TMEM232: variants seen among roughly 807,000 people sequenced by gnomAD.
TMEM232 encodes transmembrane protein 232.
Under a neutral mutation model 78.8 loss-of-function variants are expected in TMEM232, and 80 were observed. That is an observed-to-expected ratio of 1.01 (90% confidence interval 0.85 to 1.22). The LOEUF (loss-of-function observed/expected upper bound fraction) is 1.22. Among genes scored for constraint, TMEM232 ranks in the 50% most tolerant of loss-of-function variants. TMEM232 has a pLI of 0.00. For synonymous variants in TMEM232, 297 were observed against 254.3 expected (o/e 1.17, Z -1.60); for missense variants, 881 against 742.2 (o/e 1.19, Z -2.17).
intron 1 of TMEM232, among the ~76,000 whole-genome samples, chr5:110,703,947 A>G (rs1795677357): frequency 6.6e-6 from 1 of 152,066 alleles, no homozygotes. Context: ...ACTCCTTTTG[A>G]AAAACATCAA....
chr5:110,554,481 T>C (rs1774840329), intron 11 of TMEM232, among the ~76,000 whole-genome samples: 1 of 152,158 alleles, frequency 6.6e-6, no homozygotes, highest in Non-Finnish European at 1.5e-5. Flanking sequence ...TTCCATTAGG[T>C]CTTTCCCTCT....
intron 10 of TMEM232, among the ~76,000 whole-genome samples, chr5:110,594,784 G>A (rs1016176317): frequency 6.6e-6 from 1 of 152,232 alleles, no homozygotes; most frequent in African/African-American, 2.4e-5. Context: ...AGCAGCCCCA[G>A]TCAGGGGCTT....
At chr5:110,541,954 C>A (rs1773173845) in intron 11 of TMEM232, among the ~76,000 whole-genome samples, 1 of 152,148 alleles carries the variant, frequency 6.6e-6, no homozygotes, top group South Asian at 2.1e-4. Flanking sequence ...AAAGAGATCA[C>A]CTGCTCAACA....
intron 12 of TMEM232, among the ~76,000 whole-genome samples, chr5:110,425,472 A>C (rs185473834): frequency 2.1e-4 from 32 of 152,196 alleles, no homozygotes; most frequent in African/African-American, 7.2e-4. Context: ...GAGGGTGGGA[A>C]AGTGGGGGTA....
At chr5:110,666,673 C>T (rs746678588) in intron 2 of TMEM232, 1 of 151,932 alleles carries the variant, frequency 6.6e-6, no homozygotes, top group Non-Finnish European at 1.5e-5. Flanking sequence ...TTATTTTCTT[C>T]TCTGTAGGAT....
intron 12 of TMEM232, among the ~76,000 whole-genome samples, chr5:110,466,299 AC>A (rs1762069080): frequency 6.6e-6 from 1 of 152,244 alleles, no homozygotes; most frequent in East Asian, 1.9e-4. Context: ...ATAATGAATT[AC>A]AAAGAGAACT....
chr5:110,698,463 G>A (rs1235078637), intron 1 of TMEM232, among the ~76,000 whole-genome samples: 3 of 151,876 alleles, frequency 2.0e-5, no homozygotes, highest in Admixed American at 2.0e-4. Context: ...ATGTCTTTAA[G>A]GTATAATGCC....
intron 13 of TMEM232, 69 bp from the exon 14 acceptor site, chr5:110,420,825 A>G: frequency 2.7e-6 from 4 of 1,462,068 alleles, no homozygotes; most frequent in Non-Finnish European, 3.6e-6. Flanking sequence ...TAGCTGCTCA[A>G]AATGCAGATT....
At chr5:110,401,684 T>A (rs944252511) in intron 2 of TMEM232, among the ~76,000 whole-genome samples, 1 of 152,130 alleles carries the variant, frequency 6.6e-6, no homozygotes, top group Non-Finnish European at 1.5e-5. Flanking sequence ...CAGCTTCTCA[T>A]GTAGGTCAAG....
intron 12 of TMEM232, among the ~76,000 whole-genome samples, chr5:110,504,303 C>T (rs1197318834): frequency 6.6e-6 from 1 of 152,082 alleles, no homozygotes; most frequent in Non-Finnish European, 1.5e-5. Flanking sequence ...GCTACTTGAG[C>T]AGAGGAAAGT....
At chr5:110,418,809 T>C (rs1275744530), downstream of TMEM232, among the ~76,000 whole-genome samples, 1 of 152,218 alleles carries the variant, frequency 6.6e-6, no homozygotes, top group Non-Finnish European at 1.5e-5. Context: ...AAATTGGAGA[T>C]ACCAGGTTTC....
At chr5:110,650,078 T>C (rs1297429644) in intron 2 of TMEM232, among the ~76,000 whole-genome samples, 1 of 152,132 alleles carries the variant, frequency 6.6e-6, no homozygotes, top group Non-Finnish European at 1.5e-5. Flanking sequence ...TGGTAACTGG[T>C]ACTACTATCA....
intron 11 of TMEM232, among the ~76,000 whole-genome samples, chr5:110,555,629 G>C (rs117132826): frequency 1.3e-5 from 2 of 152,108 alleles, no homozygotes; most frequent in East Asian, 3.9e-4. Context: ...ATGTGGTTAT[G>C]TAAGTCTTTT....
At chr5:110,544,617 T>A (rs775550613) in intron 11 of TMEM232, among the ~76,000 whole-genome samples, 2 of 152,310 alleles carry the variant, frequency 1.3e-5, no homozygotes, top group Non-Finnish European at 2.9e-5. Context: ...TTCCCTTCTC[T>A]CACAGTCTCT....
At chr5:110,511,284 G>A (rs1415822022) in intron 12 of TMEM232, among the ~76,000 whole-genome samples, 1 of 152,038 alleles carries the variant, frequency 6.6e-6, no homozygotes, top group Non-Finnish European at 1.5e-5. Flanking sequence ...CCACACACCA[G>A]GGCCTGGTGG....
chr5:110,614,945 T>C (rs1386266934), intron 8 of TMEM232, among the ~76,000 whole-genome samples: 1 of 152,006 alleles, frequency 6.6e-6, no homozygotes, highest in Non-Finnish European at 1.5e-5. Flanking sequence ...GTGCTATTTA[T>C]AGTAAATATC....
chr5:110,584,229 T>C (rs1178847974), intron 10 of TMEM232, among the ~76,000 whole-genome samples: 1 of 151,848 alleles, frequency 6.6e-6, no homozygotes, highest in Non-Finnish European at 1.5e-5. Flanking sequence ...TTTATAATAG[T>C]CAAGATACGG....
chr5:110,634,897 C>T (rs893205017), intron 5 of TMEM232, among the ~76,000 whole-genome samples: 2 of 151,580 alleles, frequency 1.3e-5, no homozygotes, highest in South Asian at 2.1e-4. Flanking sequence ...AAAAGATGAA[C>T]AAAATGAAAA....
chr5:110,621,681 C>T (rs1783771105), intron 7 of TMEM232, among the ~76,000 whole-genome samples: 1 of 151,904 alleles, frequency 6.6e-6, no homozygotes, highest in South Asian at 2.1e-4. Flanking sequence ...TTTCCCCTCC[C>T]TTTCTTCCTT....
Sources: allele counts gnomAD v4.1 joint callset (sites outside exome capture counted in the v4.1 genomes callset), GRCh38; gene constraint gnomAD v4.1.1; transcripts MANE v1.5; gene names NCBI Gene and HGNC (gene_info 2026-07-23, HGNC 2026-07-21).